Variants in SLC30A8 observed in about 807,000 individuals in gnomAD.
SLC30A8 encodes the protein solute carrier family 30 member 8.
In SLC30A8, 27 loss-of-function variants were observed where a neutral mutation model predicts 36.9. That is an observed-to-expected ratio of 0.73 (90% CI 0.54 to 1.01). The LOEUF (loss-of-function observed/expected upper bound fraction) is 1.01. Among genes scored for constraint, SLC30A8 ranks in the 50% least tolerant of loss-of-function variants. The pLI, the probability that SLC30A8 is intolerant of heterozygous loss-of-function variation, is 0.00. For synonymous variants in SLC30A8, 164 were observed against 172.4 expected, an observed-to-expected ratio of 0.95 and a Z score of 0.38; for missense variants, 439 against 452.0, an observed-to-expected ratio of 0.97 and a Z score of 0.26.
chr8:117,052,333 AC>A (rs1421570307), intron 2 of SLC30A8, among the ~76,000 whole-genome samples: 18 of 152,300 alleles, frequency 1.2e-4, no homozygotes, highest in Admixed American at 8.5e-4. Context: ...TTTATAAATT[AC>A]CCAGCCTCAG....
At chr8:117,081,299 A>G (rs1352438068) in intron 2 of SLC30A8, among the ~76,000 whole-genome samples, 1 of 152,170 alleles carries the variant, frequency 6.6e-6, no homozygotes, top group Non-Finnish European at 1.5e-5. Flanking sequence ...ACAGCTCTGG[A>G]GGTTGCAAGA....
At chr8:117,171,235 T>C in intron 7 of SLC30A8, 67 bp downstream of exon 7, 1 of 1,539,292 alleles carries the variant, frequency 6.5e-7, no homozygotes, top group Non-Finnish European at 9.0e-7. Flanking sequence ...GTAATTTCCC[T>C]TCTTTTTGTA....
intron 6 of SLC30A8, among the ~76,000 whole-genome samples, chr8:117,167,209 T>G (rs1823101298): frequency 6.6e-6 from 1 of 152,160 alleles, no homozygotes. Flanking sequence ...CTTTCTTATT[T>G]TACTTCAGGA....
At chr8:117,141,721 A>T (rs1563622734) in intron 1 of SLC30A8, among the ~76,000 whole-genome samples, 1 of 152,128 alleles carries the variant, frequency 6.6e-6, no homozygotes, top group Non-Finnish European at 1.5e-5. Context: ...TTTCCCCTAA[A>T]ATCAGGTACA....
chr8:117,056,424 G>A (rs1424030730), intron 2 of SLC30A8, among the ~76,000 whole-genome samples: 3 of 152,114 alleles, frequency 2.0e-5, no homozygotes, highest in Admixed American at 6.5e-5. Flanking sequence ...ACCACTCCTC[G>A]TCCCTATTGT....
chr8:116,968,648 A>AATATATAT (rs10623413), intron 1 of SLC30A8, among the ~76,000 whole-genome samples: 3 of 149,386 alleles, frequency 2.0e-5, no homozygotes, highest in African/African-American at 7.4e-5. Context: ...CATGACAATG[A>AATATATAT]ATATATATAT....
intron 4 of SLC30A8, among the ~76,000 whole-genome samples, chr8:117,158,792 C>G (rs1020684518): frequency 1.3e-4 from 20 of 148,592 alleles, no homozygotes; most frequent in African/African-American, 4.5e-4. Context: ...ATCTATCTAT[C>G]TAGTGATCTA....
At chr8:116,988,696 G>GA (rs1815533681) in intron 1 of SLC30A8, among the ~76,000 whole-genome samples, 5 of 152,204 alleles carry the variant, frequency 3.3e-5, no homozygotes, top group Non-Finnish European at 7.3e-5. Context: ...TATTCAGCAA[G>GA]AATAAACTCC....
intron 2 of SLC30A8, among the ~76,000 whole-genome samples, chr8:117,098,435 C>G (rs1819560360): frequency 6.6e-6 from 1 of 152,100 alleles, no homozygotes; most frequent in Non-Finnish European, 1.5e-5. Flanking sequence ...CCTACTTTAA[C>G]CTTTGTCTTC....
At chr8:117,072,311 G>A (rs1037970723) in intron 2 of SLC30A8, among the ~76,000 whole-genome samples, 4 of 152,098 alleles carry the variant, frequency 2.6e-5, no homozygotes, top group Admixed American at 1.3e-4. Flanking sequence ...CATCTAGAGT[G>A]AATTCAAGTA....
At chr8:116,962,606 C>G (rs896874733) in intron 1 of SLC30A8, among the ~76,000 whole-genome samples, 1 of 151,892 alleles carries the variant, frequency 6.6e-6, no homozygotes, top group African/African-American at 2.4e-5. Context: ...CTAGTTGATT[C>G]GTTTTCACAG....
intron 2 of SLC30A8, among the ~76,000 whole-genome samples, chr8:117,045,727 G>A (rs189738387): frequency 3.2e-4 from 49 of 152,300 alleles, no homozygotes; most frequent in African/African-American, 1.0e-3. Flanking sequence ...CTTTCAAAGC[G>A]TGGCCAGTGC....
intron 2 of SLC30A8, among the ~76,000 whole-genome samples, chr8:117,107,876 T>G (rs897363188): frequency 6.6e-6 from 1 of 152,152 alleles, no homozygotes; most frequent in East Asian, 1.9e-4. Flanking sequence ...TATTGTAAAT[T>G]ATAATAAATG....
chr8:117,159,307 A>G (rs1468984275), intron 4 of SLC30A8, among the ~76,000 whole-genome samples: 3 of 152,266 alleles, frequency 2.0e-5, no homozygotes, highest in Non-Finnish European at 4.4e-5. Context: ...GCTATGAGGT[A>G]GATTTTTACA....
rs190435936 is a variant in SLC30A8, at chr8:117,166,462, C to A, written c.829+2932C>A. Among the ~76,000 whole-genome samples, 6 of 152,276 alleles carry A rather than the reference C, an allele frequency of 3.9e-5. No homozygotes were observed. The East Asian group carries it at 1.2e-3, about 29-fold the overall frequency. ...TTAGACTAACCCAGCAGTTCTCAAA[C>A]TTTAGTGGCATCAGAATCACGTGGA... On this transcript the variant is annotated intron_variant, in intron 6 of 7. Transcript: ENST00000456015.
At chr8:117,008,241 G>A (rs1271125692) in intron 1 of SLC30A8, among the ~76,000 whole-genome samples, 2 of 152,094 alleles carry the variant, frequency 1.3e-5, no homozygotes, top group East Asian at 3.9e-4. Context: ...ATACCAATAA[G>A]AACCCTATTG....
intron 1 of SLC30A8, among the ~76,000 whole-genome samples, chr8:116,964,121 A>G (rs1392852167): frequency 6.6e-6 from 1 of 152,202 alleles, no homozygotes; most frequent in African/African-American, 2.4e-5. Flanking sequence ...GGCTTTTACA[A>G]TCTTATAAGA....
chr8:117,032,957 G>A (rs779659144), intron 1 of SLC30A8, among the ~76,000 whole-genome samples: 5 of 152,096 alleles, frequency 3.3e-5, no homozygotes, highest in Non-Finnish European at 7.4e-5. Flanking sequence ...TGCTTGTGTG[G>A]AATGTTCCTG....
chr8:117,102,960 T>G (rs1270701152), intron 2 of SLC30A8, among the ~76,000 whole-genome samples: 1 of 152,110 alleles, frequency 6.6e-6, no homozygotes, highest in East Asian at 1.9e-4. Flanking sequence ...TTCATGTCTT[T>G]CCTATGTGCA....
Sources: allele counts gnomAD v4.1 joint callset (sites outside exome capture counted in the v4.1 genomes callset), GRCh38; gene constraint gnomAD v4.1.1; transcripts MANE v1.5; gene names NCBI Gene and HGNC (gene_info 2026-07-23, HGNC 2026-07-21).